The following PCED1B variants were observed in gnomAD, a reference collection of about 807,000 sequenced individuals.
PCED1B encodes the protein PC-esterase domain-containing protein 1B.
For synonymous variants in PCED1B, 251 were observed against 246.1 expected, an observed-to-expected ratio of 1.02 and a Z score of -0.19; for missense variants, 573 against 573.9, an observed-to-expected ratio of 1.00 and a Z score of 0.02.
chr12:47,103,851 G>A (rs987225415), intron 1 of PCED1B, among the ~76,000 whole-genome samples: 1 of 152,148 alleles, frequency 6.6e-6, no homozygotes, highest in Admixed American at 6.6e-5. Context: ...ACATAATTAA[G>A]GAAACATAAT....
intron 3 of PCED1B, among the ~76,000 whole-genome samples, chr12:47,217,477 A>AGAAAG (rs1943315040): frequency 1.8e-5 from 2 of 110,782 alleles, no homozygotes; most frequent in African/African-American, 7.9e-5. Flanking sequence ...AAAGAGAAAG[A>AGAAAG]AAGAAAGAAA....
chr12:47,117,746 A>C (rs1939490409), intron 2 of PCED1B, among the ~76,000 whole-genome samples: 1 of 152,176 alleles, frequency 6.6e-6, no homozygotes, highest in South Asian at 2.1e-4. Flanking sequence ...TGGCATTTCT[A>C]GTTCTAGATC....
At chr12:47,089,776 G>T (rs1185832826) in intron 1 of PCED1B, among the ~76,000 whole-genome samples, 1 of 151,352 alleles carries the variant, frequency 6.6e-6, no homozygotes, top group Admixed American at 6.6e-5. Flanking sequence ...AATCAGTGAA[G>T]TCTCTCTCTT....
At chr12:47,136,192 T>C (rs745447134) in intron 2 of PCED1B, among the ~76,000 whole-genome samples, 2 of 151,996 alleles carry the variant, frequency 1.3e-5, no homozygotes, top group Non-Finnish European at 2.9e-5. Flanking sequence ...ACTTTTGCTC[T>C]GTAAGATGCA....
At chr12:47,222,138 G>A (rs12320342) in intron 3 of PCED1B, among the ~76,000 whole-genome samples, 9,455 of 125,446 alleles carry the variant, frequency 0.075, 936 homozygotes, top group African/African-American at 0.24. Context: ...AAAAAAAAAC[G>A]CCCGGGCGTG....
chr12:47,227,479 C>T (rs560024906), intron 3 of PCED1B, among the ~76,000 whole-genome samples: 2 of 152,078 alleles, frequency 1.3e-5, no homozygotes, highest in African/African-American at 2.4e-5. Flanking sequence ...GGCCCCATTT[C>T]GGGTTCTAAC....
At chr12:47,201,679 G>T (rs10450781) in intron 2 of PCED1B, among the ~76,000 whole-genome samples, 380 of 151,872 alleles carry the variant, frequency 2.5e-3, no homozygotes, top group African/African-American at 8.9e-3. Flanking sequence ...GCTCGCTGCA[G>T]CCTCAACCTC....
chr12:47,108,482 G>A (rs1400303265), intron 2 of PCED1B, among the ~76,000 whole-genome samples: 1 of 152,090 alleles, frequency 6.6e-6, no homozygotes, highest in Non-Finnish European at 1.5e-5. Flanking sequence ...ATCAGATTGT[G>A]TTTTTCCCCA....
At chr12:47,138,969 C>T (rs1243714880) in intron 2 of PCED1B, among the ~76,000 whole-genome samples, 2 of 152,102 alleles carry the variant, frequency 1.3e-5, no homozygotes, top group Admixed American at 1.3e-4. Context: ...TACCTCCTTG[C>T]TTTTTTTCTT....
At chr12:47,127,365 A>ATTT (rs1939930087) in intron 2 of PCED1B, among the ~76,000 whole-genome samples, 1 of 126,688 alleles carries the variant, frequency 7.9e-6, no homozygotes, top group African/African-American at 3.1e-5. Flanking sequence ...TCTGTTTTTT[A>ATTT]TTTCTTTTTT....
chr12:47,153,005 AATACT>A (rs1370168896), intron 2 of PCED1B, among the ~76,000 whole-genome samples: 2 of 152,124 alleles, frequency 1.3e-5, no homozygotes, highest in African/African-American at 2.4e-5. Flanking sequence ...TATTACATAG[AATACT>A]ATAAGGAAAT....
intron 2 of PCED1B, among the ~76,000 whole-genome samples, chr12:47,114,549 A>G (rs770191507): frequency 3.6e-4 from 55 of 152,160 alleles, no homozygotes; most frequent in Non-Finnish European, 7.1e-4. Flanking sequence ...ACATAAGCAC[A>G]TGCCTCAATT....
chr12:47,080,461 G>A (rs1394982410), intron 1 of PCED1B, among the ~76,000 whole-genome samples: 2 of 152,170 alleles, frequency 1.3e-5, no homozygotes, highest in African/African-American at 4.8e-5. Context: ...AATAAACCCA[G>A]AAGCAGCCTG....
intron 1 of PCED1B, among the ~76,000 whole-genome samples, chr12:47,098,239 T>TA (rs1938559952): frequency 6.6e-6 from 1 of 152,154 alleles, no homozygotes. Context: ...GACTCTCTCT[T>TA]ACGATTCTGA....
chr12:47,202,541 C>A (rs1325988805), intron 2 of PCED1B, among the ~76,000 whole-genome samples: 2 of 145,990 alleles, frequency 1.4e-5, no homozygotes, highest in African/African-American at 5.1e-5. Flanking sequence ...TCTATGTGGT[C>A]CCTGATTCCC....
chr12:47,127,002 C>T (rs1057464879), intron 2 of PCED1B, among the ~76,000 whole-genome samples: 5 of 152,176 alleles, frequency 3.3e-5, no homozygotes, highest in South Asian at 2.1e-4. Flanking sequence ...TTCTGTTTCA[C>T]GCATACTCAC....
intron 1 of PCED1B, among the ~76,000 whole-genome samples, chr12:47,095,201 G>A (rs1315930607): frequency 6.6e-6 from 1 of 151,570 alleles, no homozygotes; most frequent in African/African-American, 2.4e-5. Flanking sequence ...CATATTTGAA[G>A]GATATGATTG....
intron 2 of PCED1B, among the ~76,000 whole-genome samples, chr12:47,188,285 AT>A (rs1247385138): frequency 6.6e-6 from 1 of 152,168 alleles, no homozygotes; most frequent in Non-Finnish European, 1.5e-5. Context: ...GGAATAGAAT[AT>A]GTCATAAATT....
chr12:47,081,265 TTAAAAA>T (rs903443242), intron 1 of PCED1B, among the ~76,000 whole-genome samples: 2 of 152,112 alleles, frequency 1.3e-5, no homozygotes, highest in African/African-American at 4.8e-5. Context: ...GTAATATTAC[TTAAAAA>T]TAAAAATGAT....
Sources: allele counts gnomAD v4.1 joint callset (sites outside exome capture counted in the v4.1 genomes callset), GRCh38; gene constraint gnomAD v4.1.1; transcripts MANE v1.5; gene names NCBI Gene and HGNC (gene_info 2026-07-23, HGNC 2026-07-21).